CD109: variants seen among roughly 807,000 people sequenced by gnomAD.
CD109 encodes CD109 molecule, also known as CD109 antigen.
In CD109, 149 loss-of-function variants were observed where a neutral mutation model predicts 165.8. The observed-to-expected ratio is 0.90, with a 90% CI of 0.79 to 1.03. CD109 has a LOEUF of 1.03. CD109 is among the 50% of genes least tolerant of loss of function. The probability of loss-of-function intolerance (pLI) is 0.00; values close to 1 mark genes in which losing one functional copy is unlikely to be tolerated. For synonymous variants in CD109, 585 were observed against 592.1 expected, an observed-to-expected ratio of 0.99 and a Z score of 0.18; for missense variants, 1,712 against 1,677.8, an observed-to-expected ratio of 1.02 and a Z score of -0.36.
At chr6:73,740,616 TTC>T (rs1491328779) in intron 5 of CD109, among the ~76,000 whole-genome samples, 59 of 137,216 alleles carry the variant, frequency 4.3e-4, no homozygotes, top group Admixed American at 9.1e-4. Context: ...TTTTTTTTTT[TTC>T]GAGACAGAGT....
At chr6:73,687,321 A>G in the CD109 span, among the ~76,000 whole-genome samples, 8 of 152,038 alleles carry the variant, frequency 5.3e-5, no homozygotes, top group Non-Finnish European at 1.0e-4. Context: ...ACCATGCATG[A>G]TTTTAGACAT....
chr6:73,702,779 T>C (rs748409462), intron 2 of CD109, among the ~76,000 whole-genome samples: 1 of 152,160 alleles, frequency 6.6e-6, no homozygotes, highest in African/African-American at 2.4e-5. Flanking sequence ...TATATGGATA[T>C]TGTGAGGATT....
intron 10 of CD109, among the ~76,000 whole-genome samples, 192 bp downstream of exon 10, chr6:73,763,877 C>T (rs41265535): frequency 0.085 from 12,942 of 152,086 alleles, 693 homozygotes; most frequent in Middle Eastern, 0.12. Context: ...AAGTAGTTTT[C>T]AACAACAGTA....
Position 73,806,469 on chromosome 6 carries a change from A to G in CD109, c.2961-375A>G, listed in dbSNP as rs533844374. 2.0e-5 allele frequency among the ~76,000 whole-genome samples: 3 copies of G among 152,300 alleles called. No homozygotes were observed. In the South Asian group the frequency reaches 6.2e-4, roughly 32 times the overall value. On this transcript the variant is annotated intron_variant, in intron 24 of 32. Coordinates refer to ENST00000287097, the MANE Select transcript of CD109 (RefSeq NM_133493.5). ...TGGCACATGTACACATATGTAACAA[A>G]CCTGCACGTTGTGCACATGTACCCT... is the stretch of plus-strand genomic sequence containing the variant.
intron 19 of CD109, among the ~76,000 whole-genome samples, chr6:73,784,628 C>A (rs1289106769): frequency 6.6e-6 from 1 of 152,150 alleles, no homozygotes; most frequent in Non-Finnish European, 1.5e-5. Context: ...GTTACTGCTG[C>A]CAGCAAAACC....
chr6:73,709,068 C>T (rs1239705941), intron 2 of CD109, among the ~76,000 whole-genome samples: 3 of 152,230 alleles, frequency 2.0e-5, no homozygotes, highest in East Asian at 1.9e-4. Context: ...GACATGAAGT[C>T]CTTCCCCATG....
chr6:73,700,676 A>G (rs1482051752), intron 2 of CD109, among the ~76,000 whole-genome samples: 1 of 152,004 alleles, frequency 6.6e-6, no homozygotes, highest in Non-Finnish European at 1.5e-5. Context: ...TTTGTTTGAC[A>G]GATATGGGGG....
At chr6:73,708,006 A>ATT (rs1344054659) in intron 2 of CD109, among the ~76,000 whole-genome samples, 4 of 111,820 alleles carry the variant, frequency 3.6e-5, no homozygotes, top group African/African-American at 1.0e-4. Flanking sequence ...ATATATATAT[A>ATT]TATTTATTAT....
chr6:73,723,355 A>G, intron 3 of CD109, 76 bp downstream of exon 3: 1 of 1,134,516 alleles, frequency 8.8e-7, no homozygotes, highest in Non-Finnish European at 1.3e-6. Flanking sequence ...ATTTTATTGG[A>G]TTTTATGTCA....
At chr6:73,752,651 AAG>A (rs1773238331) in intron 5 of CD109, among the ~76,000 whole-genome samples, 1 of 152,204 alleles carries the variant, frequency 6.6e-6, no homozygotes, top group Non-Finnish European at 1.5e-5. Context: ...GCAGGTTTTT[AAG>A]AGAGAGCTTT....
chr6:73,730,791 G>C (rs10805974), intron 4 of CD109, among the ~76,000 whole-genome samples: 66,136 of 151,920 alleles, frequency 0.44, 15,283 homozygotes, highest in African/African-American at 0.59. Flanking sequence ...CCAGGCCTGG[G>C]GTCTTCATTG....
intron 7 of CD109, among the ~76,000 whole-genome samples, chr6:73,761,782 AAGT>A (rs977469376): frequency 6.6e-6 from 1 of 151,952 alleles, no homozygotes; most frequent in Non-Finnish European, 1.5e-5. Flanking sequence ...CGGCCTCCCA[AAGT>A]GCTGGGATTA....
chr6:73,741,814 G>T (rs1772794437), intron 5 of CD109, among the ~76,000 whole-genome samples: 1 of 152,104 alleles, frequency 6.6e-6, no homozygotes, highest in Non-Finnish European at 1.5e-5. Context: ...GGGATTACAG[G>T]TGTGCACCAT....
chr6:73,716,436 C>T (rs1360953511), intron 2 of CD109, among the ~76,000 whole-genome samples: 1 of 152,188 alleles, frequency 6.6e-6, no homozygotes, highest in Non-Finnish European at 1.5e-5. Context: ...TCCTCATCAG[C>T]ATTTGTTACT....
chr6:73,754,528 T>C (rs1194783854), intron 5 of CD109, among the ~76,000 whole-genome samples: 1 of 152,214 alleles, frequency 6.6e-6, no homozygotes, highest in African/African-American at 2.4e-5. Flanking sequence ...TATTCTAATG[T>C]AAACTACTTA....
At chr6:73,740,850 C>CA (rs1772751943) in intron 5 of CD109, among the ~76,000 whole-genome samples, 1 of 151,946 alleles carries the variant, frequency 6.6e-6, no homozygotes, top group African/African-American at 2.4e-5. Context: ...CTCGGCCTCC[C>CA]AAAGTGCTGG....
At position 73,788,471 on chromosome 6, in the gene CD109, G is replaced by A; in HGVS notation, c.2560G>A (p.Glu854Lys). 2 of 1,609,004 alleles carry A rather than the reference G, an allele frequency of 1.2e-6. No individual in the cohort carries two copies. The highest frequency in any genetic ancestry group is 1.7e-6 in the Non-Finnish European group (2 of 1,178,776). The change falls in exon 22 of 33, where the codon GAA becomes AAA. Residue 854 changes from glutamate to lysine, a missense_variant. Physicochemically the swap from Glu to Lys is moderately conservative, Grantham distance 56 (BLOSUM62 1). Coordinates refer to ENST00000287097, the MANE Select transcript of CD109 (RefSeq NM_133493.5). Reference protein sequence around the residue: ...AVTQMILVKAEGIEKSYSQSI... With the variant: ...AVTQMILVKAKGIEKSYSQSI... ...TTGTGTTCATTTTTTTCAACAGGCT[G>A]AAGGAATAGAAAAATCATATTCACA...
In CD109 at chr6:73,771,502, C is replaced by T. The variant is rs140153127; in HGVS notation, c.1748C>T (p.Pro583Leu). ...KVSLRISVTQ[P>L]DSIVGIVAVD... ...TCTCTTAGGATCTCTGTGACACAGC[C>T]TGACTCCATAGTTGGGATTGTAGCT... Residue 583 changes from proline to leucine, a missense_variant, in exon 15 of 33, where the codon CCT (proline) becomes CTT (leucine). Coordinates refer to ENST00000287097, the MANE Select transcript of CD109 (RefSeq NM_133493.5). 2.0e-4 allele frequency: 330 copies of T among 1,610,942 alleles called. 1 individual carries two copies. In the African/African-American group the frequency reaches 3.8e-3, roughly 19 times the overall value.
intron 15 of CD109, among the ~76,000 whole-genome samples, chr6:73,778,192 G>T (rs535985471): frequency 6.6e-6 from 1 of 152,228 alleles, no homozygotes; most frequent in Admixed American, 6.5e-5. Context: ...GTTTATTTCT[G>T]ATTTGGCTCT....
Sources: allele counts gnomAD v4.1 joint callset (sites outside exome capture counted in the v4.1 genomes callset), GRCh38; gene constraint gnomAD v4.1.1; transcripts MANE v1.5; gene names NCBI Gene and HGNC (gene_info 2026-07-23, HGNC 2026-07-21).